MYH14: variants seen among roughly 807,000 people sequenced by gnomAD.
MYH14 encodes the protein myosin heavy chain 14.
In MYH14, 123 loss-of-function variants were observed where a neutral mutation model predicts 255.5. The ratio of observed to expected loss-of-function variants is 0.48; its 90% CI spans 0.42 to 0.56. MYH14 has a LOEUF of 0.56. Among genes scored for constraint, MYH14 ranks in the 20% least tolerant of loss-of-function variants. The pLI is 0.00. For missense variants in MYH14, 2,423 were observed against 2,802.3 expected, an observed-to-expected ratio of 0.86 and a Z score of 3.06; for synonymous variants, 1,095 against 1,161.2, an observed-to-expected ratio of 0.94 and a Z score of 1.16.
At chr19:50,257,234 T>G in intron 17 of MYH14, 65 bp from the exon 18 acceptor site, 1 of 1,381,594 alleles carries the variant, frequency 7.2e-7, no homozygotes, top group Non-Finnish European at 9.8e-7. Context: ...CCCTTGACCT[T>G]TGGCCCAGGT....
rs951764513 is a variant in MYH14, at chr19:50,214,458, C to T, written c.406-3157C>T. On this transcript the variant is annotated intron_variant, in intron 2 of 42. Coordinates refer to ENST00000642316, the MANE Select transcript of MYH14 (RefSeq NM_001145809.2). ...TTTGAGTTGCTAAGAGTCTCAGTCC[C>T]TTTCCTGGGACCCTTGGGGCAGGGA... Among the ~76,000 whole-genome samples the T allele has an allele frequency of 2.0e-5, 3 of 152,132 alleles. No individual in the cohort carries two copies. In the East Asian group the frequency reaches 5.8e-4, roughly 29 times the overall value.
At position 50,221,711 on chromosome 19, in the gene MYH14, G is replaced by A. The variant is rs112201218; in HGVS notation, c.563-1372G>A. On this transcript the variant is annotated intron_variant, in intron 3 of 42. Transcript: ENST00000642316. This position sits in a 1 kb window ranked among gnomAD's most constrained non-coding sequence, Gnocchi z 5.3. The stretch of plus-strand genomic sequence containing the variant: ...AGGCTGGTCTTGAACTCCTGACTTC[G>A]GGTGATCTGCTGGCCTCGGCCTCCC... Among the ~76,000 whole-genome samples the A allele has an allele frequency of 0.025, 3,825 of 152,042 alleles. 147 individuals carry two copies. The highest frequency in any genetic ancestry group is 0.086 in the African/African-American group (3,581 of 41,430).
chr19:50,261,604 C>T lies in MYH14; in HGVS notation c.2554C>T (p.Gln852Ter). 1 of 1,603,206 alleles carries T rather than the reference C, an allele frequency of 6.2e-7. No individual in the cohort carries two copies. The highest frequency in any genetic ancestry group is 1.1e-5 in the South Asian group (1 of 89,746). The change falls in exon 21 of 43, where the codon CAG becomes TAG. Residue 852 changes from glutamine (Q) to a stop codon, truncating the protein, a stop_gained. Transcript: ENST00000642316. LOFTEE classifies it high-confidence loss of function. Reference protein sequence around the residue: ...LKVTDIIVSFQAAARGYLARR... With the variant: ...LKVTDIIVSF The stretch of plus-strand genomic sequence containing the variant: ...GGTCACCGACATCATCGTCTCCTTC[C>T]AGGCAGCTGCCCGGGGATACCTGGC...
At chr19:50,297,575 G>A (rs759416966) in intron 39 of MYH14, among the ~76,000 whole-genome samples, 2 of 128,046 alleles carry the variant, frequency 1.6e-5, no homozygotes, top group Non-Finnish European at 3.1e-5. Flanking sequence ...TTAGCTCACT[G>A]CAACCTTCAC....
chr19:50,259,485 T>C (rs939351763), intron 19 of MYH14, among the ~76,000 whole-genome samples: 10 of 152,216 alleles, frequency 6.6e-5, no homozygotes, highest in African/African-American at 2.4e-4. Flanking sequence ...ACAGAGTCTA[T>C]GGGGATCTGG....
intron 34 of MYH14, among the ~76,000 whole-genome samples, chr19:50,288,700 G>A (rs945938541): frequency 6.6e-6 from 1 of 152,118 alleles, no homozygotes; most frequent in Non-Finnish European, 1.5e-5. Context: ...GTTCAGTGCG[G>A]GAGGCGGGTG....
In MYH14 at chr19:50,301,769, G is replaced by C; in HGVS notation, c.5578G>C (p.Gly1860Arg). The change falls in exon 40 of 43, where the codon GGT becomes CGT. Residue 1860 changes from glycine to arginine, a missense_variant. Physicochemically the swap from Gly to Arg is moderately radical, Grantham distance 125. Transcript: ENST00000642316. ...RQIQELRGRLGEEDAGARARH... is the reference protein window; with the variant it reads ...RQIQELRGRLREEDAGARARH... ...GATCCAGGAGCTACGGGGACGCCTGGGTGAGGAGGATGCTGGGGCCCGTGC... is the reference window on the plus strand; with the variant it reads ...GATCCAGGAGCTACGGGGACGCCTGCGTGAGGAGGATGCTGGGGCCCGTGC... 1 of 1,613,886 alleles carries C rather than the reference G, an allele frequency of 6.2e-7. No homozygotes were observed. Among genetic ancestry groups the C allele is most frequent in the Non-Finnish European group, 8.5e-7 (1 of 1,179,878 alleles).
At position 50,281,689 on chromosome 19, in the gene MYH14, G is replaced by C; in HGVS notation, c.4386G>C (p.Leu1462=). 1 of 1,611,908 alleles carries C rather than the reference G, an allele frequency of 6.2e-7. No homozygotes were observed. The highest frequency in any genetic ancestry group is 8.5e-7 in the Non-Finnish European group (1 of 1,179,504). Residue 1462 remains leucine, a synonymous_variant, in exon 33 of 43, where the codon CTG becomes CTC. Coordinates refer to ENST00000642316, the MANE Select transcript of MYH14 (RefSeq NM_001145809.2). ...RRRAAREAEA[L]TQRLAEKTET... Reference sequence around the variant, plus strand: ...GGGCAGCCCGGGAGGCCGAGGCCCTGACCCAGCGCCTGGCAGAAAAGACAG... The same window carrying C: ...GGGCAGCCCGGGAGGCCGAGGCCCTCACCCAGCGCCTGGCAGAAAAGACAG...
chr19:50,291,441 C>T (rs2036073423), intron 36 of MYH14, among the ~76,000 whole-genome samples: 1 of 152,100 alleles, frequency 6.6e-6, no homozygotes, highest in Non-Finnish European at 1.5e-5. Flanking sequence ...GCTGGGATTA[C>T]AGGCGTGCGC....
chr19:50,294,445 T>G (rs2036192982), intron 39 of MYH14, among the ~76,000 whole-genome samples: 1 of 151,456 alleles, frequency 6.6e-6, no homozygotes, highest in African/African-American at 2.4e-5. Flanking sequence ...TTTTTTTTTT[T>G]TTTTTTTGAG....
At chr19:50,270,011 A>C (rs907191737) in intron 24 of MYH14, among the ~76,000 whole-genome samples, 1 of 152,194 alleles carries the variant, frequency 6.6e-6, no homozygotes, top group African/African-American at 2.4e-5. Context: ...CCAGAGGTTC[A>C]AGACCAGCCT....
At chr19:50,205,282 A>T (rs1433222637) in intron 1 of MYH14, among the ~76,000 whole-genome samples, 4 of 152,152 alleles carry the variant, frequency 2.6e-5, no homozygotes, top group African/African-American at 9.7e-5. Context: ...TTTGCCCTCC[A>T]TAAGGGGGAG....
chr19:50,237,941 T>C (rs947848238), intron 10 of MYH14, among the ~76,000 whole-genome samples: 2 of 10,900 alleles, frequency 1.8e-4, no homozygotes, highest in Non-Finnish European at 3.2e-4. Flanking sequence ...GGCAAAGCCA[T>C]GGTGGAAACG....
At chr19:50,211,023 G>A (rs909122419) in intron 2 of MYH14, among the ~76,000 whole-genome samples, 1 of 152,144 alleles carries the variant, frequency 6.6e-6, no homozygotes, top group African/African-American at 2.4e-5. Flanking sequence ...AGTATAAAAC[G>A]TTCCAATTTC....
chr19:50,223,446 G>T lies in MYH14; in HGVS notation c.693+97G>T. On this transcript the variant is annotated intron_variant, in intron 5 of 42. Coordinates refer to ENST00000642316, the MANE Select transcript of MYH14 (RefSeq NM_001145809.2). ...ACAATTGTCTCTTCCCCTCATGGAG[G>T]TCCTTCTCCTAGACGCCTATGCCAC... 3.3e-6 allele frequency: 3 copies of T among 898,412 alleles called. No individual in the cohort carries two copies. The South Asian group carries it at 4.3e-5, about 13-fold the overall frequency. 55.7% of individuals were successfully genotyped at this position (898,412 alleles called of 1,614,324 possible).
At position 50,257,379 on chromosome 19, in the gene MYH14, C is replaced by T. The variant is rs1284519459; in HGVS notation, c.2125C>T (p.Arg709Trp). 5 of 1,608,490 alleles carry T rather than the reference C, an allele frequency of 3.1e-6. No individual in the cohort carries two copies. The highest frequency in any genetic ancestry group is 3.4e-6 in the Non-Finnish European group (4 of 1,177,422). Reference protein sequence around the residue: ...PGGRPRRGMFRTVGQLYKESL... With the variant: ...PGGRPRRGMFWTVGQLYKESL... ...TGGCCGCCCCCGTCGGGGTATGTTC[C>T]GGACAGTGGGACAGCTCTACAAGGA... The change falls in exon 18 of 43, where the codon CGG becomes TGG. Residue 709 changes from arginine to tryptophan, a missense_variant. Physicochemically the swap from Arg to Trp is moderately radical, Grantham distance 101. This residue lies in a region of MYH14 where 672 missense variants were observed against 881.8 expected (regional missense o/e 0.76). Coordinates refer to ENST00000642316, the MANE Select transcript of MYH14 (RefSeq NM_001145809.2).
chr19:50,206,036 G>C (rs1241146281), intron 1 of MYH14, among the ~76,000 whole-genome samples: 1 of 152,206 alleles, frequency 6.6e-6, no homozygotes, highest in Non-Finnish European at 1.5e-5. Flanking sequence ...CCCTGGCAGA[G>C]TGTTCCTGCT....
chr19:50,219,333 T>C (rs924469600), intron 3 of MYH14, among the ~76,000 whole-genome samples: 3 of 151,992 alleles, frequency 2.0e-5, no homozygotes, highest in South Asian at 2.1e-4. Flanking sequence ...ATGATATATC[T>C]ACTTTTGGTT....
intron 16 of MYH14, among the ~76,000 whole-genome samples, chr19:50,254,374 CA>C (rs2034515613): frequency 6.6e-6 from 1 of 152,144 alleles, no homozygotes; most frequent in Admixed American, 6.6e-5. Context: ...AGTATTTACA[CA>C]AGGAGATTGG....
Sources: gnomAD v4.1 joint callset for allele counts (sites outside exome capture counted in the v4.1 genomes callset) on GRCh38, gnomAD v4.1.1 for gene constraint, gnomAD v4.1.1 regional missense constraint, Gnocchi (gnomAD v3.1) non-coding constraint, MANE v1.5 for transcripts, NCBI Gene and HGNC (gene_info 2026-07-23, HGNC 2026-07-21) for gene names.